ESRRB: variants seen among roughly 807,000 people sequenced by gnomAD.
ESRRB encodes steroid hormone receptor ERR2.
Under a neutral mutation model 46.0 loss-of-function variants are expected in ESRRB, and 16 were observed. The ratio of observed to expected loss-of-function variants is 0.35; its 90% CI spans 0.24 to 0.53. ESRRB has a LOEUF of 0.53. ESRRB is among the 20% of genes least tolerant of loss of function. The pLI is 0.93. For synonymous variants in ESRRB, 246 were observed against 259.6 expected, an observed-to-expected ratio of 0.95 and a Z score of 0.50; for missense variants, 488 against 607.4, an observed-to-expected ratio of 0.80 and a Z score of 2.07.
At chr14:76,419,739 A>G (rs1886860397) in intron 1 of ESRRB, among the ~76,000 whole-genome samples, 1 of 152,192 alleles carries the variant, frequency 6.6e-6, no homozygotes, top group African/African-American at 2.4e-5. Flanking sequence ...AAAATGGGTT[A>G]CTGTAGGCTC....
At position 76,409,938 on chromosome 14, in the gene ESRRB, A is replaced by C. The variant is rs537064131; in HGVS notation, c.51-29403A>C. Among the ~76,000 whole-genome samples the C allele has an allele frequency of 2.0e-5, 3 of 152,194 alleles. No homozygotes were observed. The East Asian group carries it at 5.8e-4, about 29-fold the overall frequency. On this transcript the variant is annotated intron_variant, in intron 1 of 6. Coordinates refer to ENST00000644823, the MANE Select transcript of ESRRB (RefSeq NM_001379180.1). ...GAGAATGAAGCAAACTTCTAAGAGG[A>C]CCAGGCTGGGCCTGGTGGCTCAGTC... is the stretch of plus-strand genomic sequence containing the variant.
At chr14:76,314,641 C>T (rs1005356469) in intron 1 of ESRRB, among the ~76,000 whole-genome samples, 4 of 152,148 alleles carry the variant, frequency 2.6e-5, no homozygotes, top group African/African-American at 9.7e-5. Context: ...GCTTTCTTCA[C>T]GTGAGGCCCT....
chr14:76,318,883 G>A (rs1434806431), intron 1 of ESRRB, among the ~76,000 whole-genome samples: 1 of 152,202 alleles, frequency 6.6e-6, no homozygotes, highest in Non-Finnish European at 1.5e-5. Flanking sequence ...TTGAGTCACG[G>A]ATGGCTGACC....
chr14:76,485,486 C>G (rs1889972455), intron 5 of ESRRB, among the ~76,000 whole-genome samples: 1 of 152,050 alleles, frequency 6.6e-6, no homozygotes, highest in Non-Finnish European at 1.5e-5. Flanking sequence ...AAGGGATCCA[C>G]CCACCTCAGC....
intron 3 of ESRRB, among the ~76,000 whole-genome samples, chr14:76,473,268 T>C (rs771156258): frequency 6.6e-6 from 1 of 152,230 alleles, no homozygotes; most frequent in African/African-American, 2.4e-5. Context: ...GGGTATGAAA[T>C]AGATTTGTAA....
rs558804484 is a variant in ESRRB at position 76,326,731 on chromosome 14, C to T, written c.2+15815C>T. Among the ~76,000 whole-genome samples, 7 of 152,338 alleles carry T rather than the reference C, an allele frequency of 4.6e-5. No homozygotes were observed. The East Asian group carries it at 1.3e-3, about 29-fold the overall frequency. ...TGGAAGACGTTGGGGCTGCACGACT[C>T]CCTCCTCCTCTCCCAATTTCAGGAC... is the stretch of plus-strand genomic sequence containing the variant. On this transcript the variant is annotated intron_variant, in intron 1 of 6. Coordinates refer to the ESRRB transcript ENST00000512784.
At chr14:76,418,224 A>C (rs764626113) in intron 1 of ESRRB, among the ~76,000 whole-genome samples, 1 of 152,000 alleles carries the variant, frequency 6.6e-6, no homozygotes, top group Non-Finnish European at 1.5e-5. Flanking sequence ...CAAAGTGCTG[A>C]GATTACAGGC....
intron 1 of ESRRB, among the ~76,000 whole-genome samples, chr14:76,385,914 T>C (rs1220009294): frequency 6.6e-6 from 1 of 152,190 alleles, no homozygotes; most frequent in East Asian, 1.9e-4. Flanking sequence ...TAATAGTATC[T>C]ACCTCCCAGG....
chr14:76,386,867 C>A (rs1160045490), intron 1 of ESRRB, among the ~76,000 whole-genome samples: 1 of 152,198 alleles, frequency 6.6e-6, no homozygotes, highest in Non-Finnish European at 1.5e-5. Context: ...CTCCTAACAG[C>A]ACCCAGGGCT....
chr14:76,360,337 A>G (rs1327701213), intron 1 of ESRRB, among the ~76,000 whole-genome samples: 1 of 152,146 alleles, frequency 6.6e-6, no homozygotes, highest in Non-Finnish European at 1.5e-5. Flanking sequence ...ACTCCAAGAT[A>G]CTTGGGTCTC....
Position 76,482,602 on chromosome 14 carries a change from C to A in ESRRB, c.693C>A (p.Thr231=). ...TTCCCTCTTTGGTTGTTGCAGTGAC[C>A]AAGATTGTCTCATACCTACTGGTGG... ...QISPPAKKPL[T]KIVSYLLVAE... The change falls in exon 5 of 7, where the codon ACC becomes ACA. Residue 231 remains threonine, a synonymous_variant. Transcript: ENST00000644823. The surrounding 1 kb of genome is among the most constrained non-coding windows in gnomAD (Gnocchi z 4.3). 6.2e-7 allele frequency: 1 copy of A among 1,614,126 alleles called. No homozygotes were observed. The highest frequency in any genetic ancestry group is 8.5e-7 in the Non-Finnish European group (1 of 1,180,012).
At chr14:76,430,507 A>T (rs980428478) in intron 1 of ESRRB, among the ~76,000 whole-genome samples, 1 of 152,102 alleles carries the variant, frequency 6.6e-6, no homozygotes, top group African/African-American at 2.4e-5. Context: ...TGCTGGGTTT[A>T]ACCACAGGCC....
intron 1 of ESRRB, among the ~76,000 whole-genome samples, chr14:76,352,870 G>A (rs555531783): frequency 5.9e-5 from 9 of 152,342 alleles, no homozygotes; most frequent in South Asian, 2.1e-4. Flanking sequence ...GCGCACACAG[G>A]CGAGCACCGT....
At chr14:76,409,604 A>G (rs1282233826) in intron 1 of ESRRB, among the ~76,000 whole-genome samples, 1 of 59,974 alleles carries the variant, frequency 1.7e-5, no homozygotes, top group East Asian at 5.6e-4. Flanking sequence ...GGGCTTTTGC[A>G]TGTGGGGTGG....
At chr14:76,472,323 A>G (rs2052812656) in intron 3 of ESRRB, among the ~76,000 whole-genome samples, 1 of 152,208 alleles carries the variant, frequency 6.6e-6, no homozygotes, top group South Asian at 2.1e-4. Context: ...AGAAGTGTCT[A>G]GAGGAGCCCA....
intron 6 of ESRRB, chr14:76,495,533 G>C (rs1595175492): frequency 6.9e-6 from 1 of 145,062 alleles, no homozygotes; most frequent in South Asian, 2.3e-4. Flanking sequence ...CAGAAAGCAG[G>C]CTGGCTAGTC....
At chr14:76,415,781 A>G (rs1886671881) in intron 1 of ESRRB, among the ~76,000 whole-genome samples, 1 of 152,196 alleles carries the variant, frequency 6.6e-6, no homozygotes, top group Non-Finnish European at 1.5e-5. Context: ...TGCCGGGATT[A>G]CAGGCATGAG....
At chr14:76,435,355 G>A (rs1887628858) in intron 1 of ESRRB, among the ~76,000 whole-genome samples, 1 of 152,364 alleles carries the variant, frequency 6.6e-6, no homozygotes, top group African/African-American at 2.4e-5. Flanking sequence ...GCCCTTTCTG[G>A]CACTCTGTGC....
intron 1 of ESRRB, among the ~76,000 whole-genome samples, chr14:76,324,989 CAG>C (rs1883912525): frequency 3.1e-5 from 3 of 95,868 alleles, no homozygotes; most frequent in South Asian, 6.5e-4. Context: ...TTTTTTGAGA[CAG>C]AGTCTTTCTG....
Sources: gnomAD v4.1 joint callset for allele counts (sites outside exome capture counted in the v4.1 genomes callset) on GRCh38, gnomAD v4.1.1 for gene constraint, Gnocchi (gnomAD v3.1) non-coding constraint, MANE v1.5 for transcripts, NCBI Gene and HGNC (gene_info 2026-07-23, HGNC 2026-07-21) for gene names.